GLT1D1: variants seen among roughly 807,000 people sequenced by gnomAD.
The protein encoded by GLT1D1 is glycosyltransferase 1 domain-containing protein 1.
A neutral mutation model predicts 28.7 loss-of-function variants in GLT1D1; 21 were observed. That is an observed-to-expected ratio of 0.73 (90% CI 0.52 to 1.05). GLT1D1 has a LOEUF of 1.05. Among genes scored for constraint, GLT1D1 ranks in the 50% least tolerant of loss-of-function variants. GLT1D1 has a pLI of 0.00. For synonymous variants in GLT1D1, 147 were observed against 124.8 expected, an observed-to-expected ratio of 1.18 and a Z score of -1.19; for missense variants, 343 against 330.6, an observed-to-expected ratio of 1.04 and a Z score of -0.29.
At chr12:128,907,551 C>T (rs1811395) in intron 4 of GLT1D1, among the ~76,000 whole-genome samples, 46,759 of 152,030 alleles carry the variant, frequency 0.31, 8,247 homozygotes, top group Admixed American at 0.44. Flanking sequence ...GTGATCCACC[C>T]GCCTCAGCCT....
chr12:128,900,533 G>C (rs541573206), intron 4 of GLT1D1, among the ~76,000 whole-genome samples: 2 of 152,052 alleles, frequency 1.3e-5, no homozygotes, highest in African/African-American at 4.8e-5. Context: ...TTCCCAGGCA[G>C]AGCATGGAGG....
At chr12:128,954,283 G>A (rs1421706238) in intron 6 of GLT1D1, among the ~76,000 whole-genome samples, 7 of 115,236 alleles carry the variant, frequency 6.1e-5, no homozygotes, top group Admixed American at 9.8e-5. Context: ...CACCACACCC[G>A]GCTAATTTTT....
chr12:128,882,207 C>T (rs1470950724), intron 2 of GLT1D1, among the ~76,000 whole-genome samples: 1 of 150,674 alleles, frequency 6.6e-6, no homozygotes, highest in Non-Finnish European at 1.5e-5. Flanking sequence ...GTAGAATATG[C>T]AAATAATGGA....
chr12:128,914,964 CTG>C (rs762565585), intron 4 of GLT1D1: 14 of 1,536,070 alleles, frequency 9.1e-6, no homozygotes, highest in Non-Finnish European at 1.2e-5. Context: ...CCGCTTTTAA[CTG>C]GAATACCTTT....
chr12:128,867,924 G>A (rs771698723), intron 1 of GLT1D1, among the ~76,000 whole-genome samples: 7 of 152,194 alleles, frequency 4.6e-5, no homozygotes, highest in South Asian at 2.1e-4. Flanking sequence ...GAGAGACTGC[G>A]ATGGATTGTG....
At position 128,888,734 on chromosome 12, in the gene GLT1D1, G is replaced by A; in HGVS notation, c.313G>A (p.Glu105Lys). 1 of 1,604,574 alleles carries A rather than the reference G, an allele frequency of 6.2e-7. No homozygotes were observed. Among genetic ancestry groups the A allele is most frequent in the South Asian group, 1.1e-5 (1 of 90,782 alleles). ...AAACACAGTCATGGGCAGAGTTCTT[G>A]AGGAAGCCAGGTAATACCTGCGAGA... The change falls in exon 3 of 8, where the codon GAG becomes AAG. Residue 105 changes from glutamate to lysine, a missense_variant. By Grantham distance (56) the Glu-to-Lys change is moderately conservative. Coordinates refer to ENST00000281703, the MANE Select transcript of GLT1D1 (RefSeq NM_144669.3).
At chr12:128,874,086 TTCTTTCTTTCTTTCTCTCTCTC>T (rs1368045960) in intron 1 of GLT1D1, among the ~76,000 whole-genome samples, 7 of 17,878 alleles carry the variant, frequency 3.9e-4, no homozygotes, top group African/African-American at 7.4e-4. Flanking sequence ...CTTTCTTTCT[TTCTTTCTTTCTTTCTCTCTCTC>T]TCTCTCTCTC....
intron 7 of GLT1D1, among the ~76,000 whole-genome samples, chr12:128,975,049 C>T (rs1879633585): frequency 6.6e-6 from 1 of 152,256 alleles, no homozygotes; most frequent in Admixed American, 6.5e-5. Flanking sequence ...GCACCTGCAC[C>T]TGCAAACCTC....
chr12:128,970,594 C>T (rs897865295), intron 7 of GLT1D1, among the ~76,000 whole-genome samples: 1 of 152,250 alleles, frequency 6.6e-6, no homozygotes, highest in African/African-American at 2.4e-5. Flanking sequence ...CTTCTGAGGC[C>T]TTGCACAGCT....
intron 7 of GLT1D1, among the ~76,000 whole-genome samples, chr12:128,958,798 A>G (rs1877580089): frequency 7.7e-6 from 1 of 129,564 alleles, no homozygotes; most frequent in African/African-American, 2.8e-5. Context: ...GTCACTACGT[A>G]TGCCTCTTGT....
intron 6 of GLT1D1, among the ~76,000 whole-genome samples, chr12:128,954,424 C>T (rs1344479463): frequency 6.6e-6 from 1 of 152,000 alleles, no homozygotes. Flanking sequence ...GCCACTGTGC[C>T]CAGGCTAATA....
intron 4 of GLT1D1, among the ~76,000 whole-genome samples, chr12:128,928,018 A>AC (rs1873446613): frequency 1.3e-5 from 2 of 150,024 alleles, no homozygotes; most frequent in Non-Finnish European, 3.0e-5. Context: ...AAAAAAAAAA[A>AC]AAAAAAACAA....
At chr12:128,900,726 C>T (rs145891816) in intron 4 of GLT1D1, among the ~76,000 whole-genome samples, 64 of 152,128 alleles carry the variant, frequency 4.2e-4, no homozygotes, top group African/African-American at 1.5e-3. Context: ...ACCTCTGCCC[C>T]CCAGGTTCAA....
At chr12:128,888,159 T>C (rs1868610513) in intron 2 of GLT1D1, among the ~76,000 whole-genome samples, 1 of 152,240 alleles carries the variant, frequency 6.6e-6, no homozygotes, top group Non-Finnish European at 1.5e-5. Flanking sequence ...TCACCCCTGC[T>C]GTACTGAACA....
Position 128,875,903 on chromosome 12 carries a change from T to C in GLT1D1, c.69-11T>C. The C allele has an allele frequency of 6.2e-7, 1 of 1,610,546 alleles. No homozygotes were observed. On this transcript the variant is annotated splice_polypyrimidine_tract_variant and intron_variant, in intron 1 of 7. Coordinates refer to ENST00000281703, the MANE Select transcript of GLT1D1 (RefSeq NM_144669.3). Reference sequence around the variant, plus strand: ...CCTCATCTTCTCCTTTCTCTGTATTTTTTGATAAAGGGCCCATCTAGAGGC... The same window carrying C: ...CCTCATCTTCTCCTTTCTCTGTATTCTTTGATAAAGGGCCCATCTAGAGGC...
At chr12:128,924,216 C>T (rs1872946863) in intron 4 of GLT1D1, among the ~76,000 whole-genome samples, 1 of 151,942 alleles carries the variant, frequency 6.6e-6, no homozygotes, top group Non-Finnish European at 1.5e-5. Flanking sequence ...CACTTGAGGT[C>T]AGGAGTTCGA....
At chr12:128,956,185 A>G (rs1206363802) in intron 6 of GLT1D1, among the ~76,000 whole-genome samples, 1 of 147,108 alleles carries the variant, frequency 6.8e-6, no homozygotes, top group Non-Finnish European at 1.5e-5. Context: ...GAAAGAGAGA[A>G]AGAAAGAAAG....
intron 4 of GLT1D1, among the ~76,000 whole-genome samples, chr12:128,937,328 T>C (rs1440224713): frequency 6.6e-6 from 1 of 152,176 alleles, no homozygotes; most frequent in Non-Finnish European, 1.5e-5. Flanking sequence ...GAAATCATTC[T>C]TTTTGCAGAT....
intron 1 of GLT1D1, among the ~76,000 whole-genome samples, chr12:128,865,491 C>A (rs1487348664): frequency 1.3e-5 from 2 of 152,014 alleles, no homozygotes; most frequent in African/African-American, 4.8e-5. Context: ...CAGTTCCAAG[C>A]AACTACAGAT....
Sources: gnomAD v4.1 joint callset for allele counts (sites outside exome capture counted in the v4.1 genomes callset) on GRCh38, gnomAD v4.1.1 for gene constraint, MANE v1.5 for transcripts, NCBI Gene and HGNC (gene_info 2026-07-23, HGNC 2026-07-21) for gene names.